Variants in GPHN observed in about 807,000 individuals in gnomAD.
GPHN encodes gephyrin.
In GPHN, 17 loss-of-function variants were observed where a neutral mutation model predicts 95.5. The observed-to-expected ratio is 0.18, with a 90% CI of 0.12 to 0.27. GPHN has a LOEUF of 0.27. GPHN is among the 10% of genes least tolerant of loss of function. The pLI is 1.00. For synonymous variants in GPHN, 320 were observed against 322.5 expected (o/e 0.99, Z 0.08); for missense variants, 660 against 978.1 (o/e 0.67, Z 4.34).
At chr14:66,930,011 G>A (rs751490684) in intron 8 of GPHN, among the ~76,000 whole-genome samples, 15 of 152,008 alleles carry the variant, frequency 9.9e-5, no homozygotes, top group Non-Finnish European at 1.3e-4. Flanking sequence ...GCGCCCGGCC[G>A]TCTGTGTGTG....
chr14:67,313,611 A>C, the GPHN span, among the ~76,000 whole-genome samples: 1 of 152,228 alleles, frequency 6.6e-6, no homozygotes, highest in Non-Finnish European at 1.5e-5. Flanking sequence ...AAAGGAATAC[A>C]TACAGGATGA....
the GPHN span, among the ~76,000 whole-genome samples, chr14:67,355,870 C>T: frequency 6.6e-6 from 1 of 151,598 alleles, no homozygotes; most frequent in African/African-American, 2.4e-5. Context: ...CATGGTAGGG[C>T]ACACCGGTAA....
the GPHN span, among the ~76,000 whole-genome samples, chr14:67,683,283 A>ATT: frequency 2.0e-5 from 3 of 148,726 alleles, no homozygotes; most frequent in Non-Finnish European, 4.5e-5. Context: ...ATAAAGGGTT[A>ATT]TTTTTTTTTT....
chr14:66,811,938 G>A (rs1462874173), intron 3 of GPHN, among the ~76,000 whole-genome samples: 2 of 152,296 alleles, frequency 1.3e-5, no homozygotes, highest in East Asian at 3.9e-4. Flanking sequence ...GCTCTATAAA[G>A]TAGACAGATT....
At chr14:67,595,080 T>G in the GPHN span, among the ~76,000 whole-genome samples, 2 of 151,996 alleles carry the variant, frequency 1.3e-5, no homozygotes, top group African/African-American at 4.8e-5. Context: ...GAGCTTGCAG[T>G]GAGCCGAGAT....
At chr14:66,511,925 C>T (rs934960228) in intron 1 of GPHN, among the ~76,000 whole-genome samples, 4 of 151,626 alleles carry the variant, frequency 2.6e-5, no homozygotes, top group Admixed American at 6.6e-5. Context: ...TATTATTGTC[C>T]ATCTCTAACA....
chr14:66,981,400 A>G (rs1379030976), intron 9 of GPHN, among the ~76,000 whole-genome samples: 4 of 152,136 alleles, frequency 2.6e-5, no homozygotes, highest in African/African-American at 9.7e-5. Flanking sequence ...TGAAATATTA[A>G]CTTAATTCCA....
chr14:67,198,903 C>G, the GPHN span: 1 of 692,420 alleles, frequency 1.4e-6, no homozygotes, highest in East Asian at 2.7e-5. Context: ...TCTAAAGTTC[C>G]TAGAAATTCC....
chr14:66,871,003 T>C (rs1020176503), intron 4 of GPHN, among the ~76,000 whole-genome samples: 3 of 152,230 alleles, frequency 2.0e-5, no homozygotes, highest in Admixed American at 6.5e-5. Context: ...TCCAGTGGTC[T>C]GGCAAAATCC....
At chr14:66,979,368 A>G (rs1353955259) in intron 9 of GPHN, among the ~76,000 whole-genome samples, 3 of 152,228 alleles carry the variant, frequency 2.0e-5, no homozygotes, top group African/African-American at 4.8e-5. Context: ...CAAGGATTTT[A>G]GCTAGATTTT....
intron 11 of GPHN, among the ~76,000 whole-genome samples, chr14:67,075,030 CT>C (rs1186801959): frequency 1.3e-5 from 2 of 152,106 alleles, no homozygotes; most frequent in African/African-American, 4.8e-5. Context: ...ATGAAACAGT[CT>C]TATATATAGG....
chr14:67,445,926 G>C, the GPHN span: 1 of 450,972 alleles, frequency 2.2e-6, no homozygotes, highest in African/African-American at 2.0e-5. Flanking sequence ...GTACTTCACA[G>C]TTTGCTTGTG....
the GPHN span, among the ~76,000 whole-genome samples, chr14:67,637,410 CAAA>C: frequency 2.4e-3 from 250 of 103,638 alleles, no homozygotes; most frequent in Middle Eastern, 5.3e-3. Context: ...GACTCTGTCT[CAAA>C]AAAAAAAAAA....
At chr14:66,727,038 C>G (rs868160045) in intron 2 of GPHN, among the ~76,000 whole-genome samples, 1 of 152,158 alleles carries the variant, frequency 6.6e-6, no homozygotes, top group African/African-American at 2.4e-5. Context: ...TAGGAGGAAC[C>G]TGGTGAGACA....
the GPHN span, among the ~76,000 whole-genome samples, chr14:67,461,318 G>A: frequency 6.6e-6 from 1 of 152,132 alleles, no homozygotes; most frequent in African/African-American, 2.4e-5. Context: ...TACATAACAT[G>A]CCCACTTGAG....
chr14:67,381,463 C>A, the GPHN span: 1 of 589,064 alleles, frequency 1.7e-6, no homozygotes, highest in Non-Finnish European at 3.0e-6. Context: ...AAATAAGGAA[C>A]TGCAGTATAG....
the GPHN span, among the ~76,000 whole-genome samples, chr14:67,316,453 A>G: frequency 6.6e-6 from 1 of 152,200 alleles, no homozygotes; most frequent in Non-Finnish European, 1.5e-5. Context: ...TGTTTTGGAA[A>G]AGTTAATTCC....
chr14:66,565,613 T>A (rs1480494672), intron 1 of GPHN, among the ~76,000 whole-genome samples: 1 of 152,166 alleles, frequency 6.6e-6, no homozygotes, highest in Non-Finnish European at 1.5e-5. Flanking sequence ...ATATATAATT[T>A]GATTACAAAT....
At chr14:67,447,115 A>G in the GPHN span, 5 of 152,226 alleles carry the variant, frequency 3.3e-5, no homozygotes, top group African/African-American at 1.2e-4. Context: ...TATTTCTCAC[A>G]GTTCTGGAGA....
Sources: allele counts gnomAD v4.1 joint callset (sites outside exome capture counted in the v4.1 genomes callset), GRCh38; gene constraint gnomAD v4.1.1; transcripts MANE v1.5; gene names NCBI Gene and HGNC (gene_info 2026-07-23, HGNC 2026-07-21).